XIRP2: variants seen among roughly 807,000 people sequenced by gnomAD.
The protein encoded by XIRP2 is xin actin-binding repeat-containing protein 2.
Under a neutral mutation model 277.0 loss-of-function variants are expected in XIRP2, and 236 were observed. That is an observed-to-expected ratio of 0.85 (90% CI 0.77 to 0.95). XIRP2 has a LOEUF of 0.95. Among genes scored for constraint, XIRP2 ranks in the 40% least tolerant of loss-of-function variants. The pLI, the probability that XIRP2 is intolerant of heterozygous loss-of-function variation, is 0.00. For missense variants in XIRP2, 4,640 were observed against 4,157.5 expected, an observed-to-expected ratio of 1.12 and a Z score of -3.19; for synonymous variants, 1,490 against 1,416.5, an observed-to-expected ratio of 1.05 and a Z score of -1.17.
chr2:166,946,707 A>G (rs1417392705), intron 2 of XIRP2, among the ~76,000 whole-genome samples: 2 of 152,144 alleles, frequency 1.3e-5, no homozygotes, highest in African/African-American at 2.4e-5. Context: ...ATTCTCATAT[A>G]AACATTAAAG....
In XIRP2 at chr2:167,247,743, T is replaced by C. The variant is rs764724236; in HGVS notation, c.6351T>C (p.Ala2117=). ...KDDVFNSIQS[A]GKTVGKQQTY... ...ATGTCTTTAATTCCATCCAATCTGC[T>C]GGTAAAACCGTTGGAAAGCAACAGA... The change falls in exon 9 of 11, where the codon GCT becomes GCC. Residue 2117 remains alanine, a synonymous_variant. Transcript: ENST00000409195. The C allele has an allele frequency of 2.4e-5, 39 of 1,613,470 alleles. No individual in the cohort carries two copies. In the East Asian group the frequency reaches 6.9e-4, roughly 29 times the overall value.
chr2:167,029,213 T>C (rs1045652259), intron 2 of XIRP2, among the ~76,000 whole-genome samples: 2 of 152,050 alleles, frequency 1.3e-5, no homozygotes, highest in Non-Finnish European at 1.5e-5. Flanking sequence ...TTCTGTTGCC[T>C]GATTGCCCTG....
At chr2:166,939,679 C>CAAAAAAAAAAAAAAAAAAAA (rs138977006) in intron 2 of XIRP2, among the ~76,000 whole-genome samples, 13 of 90,622 alleles carry the variant, frequency 1.4e-4, no homozygotes, top group Non-Finnish European at 1.9e-4. Flanking sequence ...GACTCCATCA[C>CAAAAAAAAAAAAAAAAAAAA]AAAAAAAAAA....
At chr2:166,981,411 T>C (rs1208764404) in intron 2 of XIRP2, among the ~76,000 whole-genome samples, 2 of 151,900 alleles carry the variant, frequency 1.3e-5, no homozygotes, top group Non-Finnish European at 2.9e-5. Context: ...CATCTGTGTG[T>C]CCTCTGCTCT....
chr2:167,187,472 G>T, intron 3 of XIRP2: 3 of 985,230 alleles, frequency 3.0e-6, no homozygotes, highest in Non-Finnish European at 3.6e-6. Context: ...AGTCTGTGAA[G>T]AACTATAAAG....
chr2:167,161,568 C>T (rs375606391), intron 3 of XIRP2, among the ~76,000 whole-genome samples: 1 of 152,208 alleles, frequency 6.6e-6, no homozygotes, highest in Non-Finnish European at 1.5e-5. Flanking sequence ...TTGGCCCCTT[C>T]CAGCCACAGC....
chr2:167,140,603 C>T (rs1691686930), intron 3 of XIRP2, among the ~76,000 whole-genome samples: 2 of 152,168 alleles, frequency 1.3e-5, no homozygotes, highest in Admixed American at 1.3e-4. Flanking sequence ...GCACCGGCTT[C>T]TGCTTCCGGA....
intron 2 of XIRP2, among the ~76,000 whole-genome samples, chr2:166,958,717 A>G (rs925296936): frequency 2.6e-5 from 4 of 151,704 alleles, no homozygotes; most frequent in African/African-American, 9.7e-5. Flanking sequence ...ATTAATTTTT[A>G]TTTTACTGGG....
At chr2:166,912,787 G>A (rs1412886697) in intron 2 of XIRP2, among the ~76,000 whole-genome samples, 1 of 152,142 alleles carries the variant, frequency 6.6e-6, no homozygotes, top group Non-Finnish European at 1.5e-5. Flanking sequence ...GGGATTTGGT[G>A]TGGATGTCCT....
intron 3 of XIRP2, among the ~76,000 whole-genome samples, chr2:167,150,860 G>A (rs551772460): frequency 5.8e-4 from 88 of 152,176 alleles, no homozygotes; most frequent in African/African-American, 2.0e-3. Flanking sequence ...TTAAAATACA[G>A]TGATTTGGGC....
intron 3 of XIRP2, among the ~76,000 whole-genome samples, chr2:167,173,849 C>T (rs1021618369): frequency 6.6e-6 from 1 of 152,118 alleles, no homozygotes; most frequent in Non-Finnish European, 1.5e-5. Context: ...TTCTGATTTG[C>T]ATTTCTCTGA....
intron 3 of XIRP2, among the ~76,000 whole-genome samples, chr2:167,189,777 C>T (rs1244361030): frequency 1.3e-5 from 2 of 152,180 alleles, no homozygotes; most frequent in Non-Finnish European, 2.9e-5. Context: ...AACTCTCTGA[C>T]ACCAACTGGC....
intron 2 of XIRP2, among the ~76,000 whole-genome samples, chr2:166,938,897 C>A (rs994931201): frequency 1.5e-4 from 23 of 152,062 alleles, no homozygotes; most frequent in African/African-American, 3.6e-4. Flanking sequence ...CTGTTTTATC[C>A]AAGACTAGGA....
At chr2:166,981,773 T>C (rs577485151) in intron 2 of XIRP2, among the ~76,000 whole-genome samples, 1 of 152,300 alleles carries the variant, frequency 6.6e-6, no homozygotes, top group South Asian at 2.1e-4. Flanking sequence ...GAAGTCATCT[T>C]AAAGTGAGGA....
At chr2:166,939,112 G>A (rs1349687938) in intron 2 of XIRP2, among the ~76,000 whole-genome samples, 3 of 152,160 alleles carry the variant, frequency 2.0e-5, no homozygotes, top group Admixed American at 6.5e-5. Context: ...ATATAGTTAT[G>A]TGTGAATTTG....
intron 3 of XIRP2, among the ~76,000 whole-genome samples, chr2:167,200,117 A>G (rs997782360): frequency 6.6e-6 from 1 of 152,246 alleles, no homozygotes; most frequent in South Asian, 2.1e-4. Flanking sequence ...CTAACCAAAC[A>G]TAACAATATA....
intron 2 of XIRP2, among the ~76,000 whole-genome samples, chr2:166,927,246 C>T (rs1263482597): frequency 6.6e-6 from 1 of 152,096 alleles, no homozygotes; most frequent in Non-Finnish European, 1.5e-5. Flanking sequence ...ACCTTAGGTT[C>T]ATCAGGCCAA....
At chr2:166,921,310 C>G (rs7573810) in intron 2 of XIRP2, among the ~76,000 whole-genome samples, 2,970 of 152,182 alleles carry the variant, frequency 0.02, 96 homozygotes, top group African/African-American at 0.067. Flanking sequence ...AGTCGTTGTA[C>G]TCTTTTTCAT....
chr2:167,133,880 A>G (rs960080340), intron 2 of XIRP2, among the ~76,000 whole-genome samples: 3 of 152,226 alleles, frequency 2.0e-5, no homozygotes, highest in Non-Finnish European at 4.4e-5. Context: ...CTGTGTCTCA[A>G]CAGCATGATA....
Sources: gnomAD v4.1 joint callset for allele counts (sites outside exome capture counted in the v4.1 genomes callset) on GRCh38, gnomAD v4.1.1 for gene constraint, MANE v1.5 for transcripts, NCBI Gene and HGNC (gene_info 2026-07-23, HGNC 2026-07-21) for gene names.